EPB41: variants seen among roughly 807,000 people sequenced by gnomAD.
The protein encoded by EPB41 is protein 4.1.
EPB41 carries 65 observed loss-of-function variants against 108.0 expected under a neutral mutation model. The ratio of observed to expected loss-of-function variants is 0.60; its 90% CI spans 0.49 to 0.74. EPB41 has a LOEUF of 0.74. Among genes scored for constraint, EPB41 ranks in the 30% least tolerant of loss-of-function variants. The pLI is 0.00. For synonymous variants in EPB41, 336 were observed against 358.9 expected (o/e 0.94, Z 0.72); for missense variants, 875 against 1,037.0 (o/e 0.84, Z 2.15).
intron 1 of EPB41, among the ~76,000 whole-genome samples, chr1:28,921,974 T>G (rs1270008115): frequency 1.7e-4 from 10 of 60,202 alleles, no homozygotes; most frequent in South Asian, 2.4e-3. Flanking sequence ...ACTTTTTTTT[T>G]GTTTTTTTTT....
intron 1 of EPB41, among the ~76,000 whole-genome samples, chr1:28,924,358 G>A (rs1208960560): frequency 1.3e-5 from 2 of 152,304 alleles, no homozygotes; most frequent in East Asian, 1.9e-4. Context: ...GCGAAACCCC[G>A]TCTCTACTAA....
At chr1:29,058,522 A>C in intron 12 of EPB41, 67 bp from the exon 13 acceptor site, 1 of 1,405,602 alleles carries the variant, frequency 7.1e-7, no homozygotes, top group Non-Finnish European at 1.0e-6. Flanking sequence ...GCTTATTTGG[A>C]AACAACACTA....
chr1:29,088,638 G>A (rs554645941), intron 16 of EPB41, among the ~76,000 whole-genome samples: 1 of 152,278 alleles, frequency 6.6e-6, no homozygotes, highest in South Asian at 2.1e-4. Flanking sequence ...GGTGTCTTGT[G>A]TCATGGAGAC....
At chr1:28,973,279 G>A (rs756883548) in intron 1 of EPB41, among the ~76,000 whole-genome samples, 4 of 152,160 alleles carry the variant, frequency 2.6e-5, no homozygotes, top group Non-Finnish European at 5.9e-5. Context: ...GGTGACTCTT[G>A]AGTTTATAAT....
intron 20 of EPB41, among the ~76,000 whole-genome samples, chr1:29,116,281 TG>T (rs1408511160): frequency 1.3e-5 from 2 of 150,418 alleles, no homozygotes; most frequent in Admixed American, 1.3e-4. Context: ...CCCAAGAAGG[TG>T]GGACTACAGG....
At chr1:28,987,322 T>C in intron 1 of EPB41, 109 bp from the exon 2 acceptor site, 1 of 887,526 alleles carries the variant, frequency 1.1e-6, no homozygotes, top group Non-Finnish European at 1.8e-6. Flanking sequence ...GAATTCTGTT[T>C]GTTGGCAATT....
rs1226561663 is a variant in EPB41 at position 28,930,324 on chromosome 1, TA to T, written c.-8+15569del. Among the ~76,000 whole-genome samples, 616 of 145,080 alleles carry T rather than the reference TA, an allele frequency of 4.2e-3. 3 individuals carry two copies. Among genetic ancestry groups the T allele is most frequent in the African/African-American group, 0.011 (446 of 39,676 alleles). On this transcript the variant is annotated intron_variant, in intron 1 of 20. Transcript: ENST00000343067. ...GACACACACCACCACACCAGCTAAT[TA>T]AAAAAAAAAAAATTTTTTTTTTTAT...
At chr1:29,060,363 G>A (rs142735199) in intron 14 of EPB41, 59 bp from the exon 15 acceptor site, 59 of 1,559,228 alleles carry the variant, frequency 3.8e-5, no homozygotes, top group African/African-American at 1.6e-4. Context: ...GTTTTTTCCC[G>A]CAAGAACAAC....
At chr1:28,932,510 A>G in intron 1 of EPB41, among the ~76,000 whole-genome samples, 1 of 151,668 alleles carries the variant, frequency 6.6e-6, no homozygotes. Context: ...TCCTTTAAAA[A>G]AAAAAAGCAG....
intron 11 of EPB41, chr1:29,041,493 G>A (rs1016423217): frequency 4.0e-5 from 6 of 151,896 alleles, no homozygotes; most frequent in Non-Finnish European, 5.9e-5. Context: ...ATAAAATAAA[G>A]TAAAAGATAT....
At chr1:28,968,750 C>T (rs1193750423) in intron 1 of EPB41, among the ~76,000 whole-genome samples, 7 of 151,900 alleles carry the variant, frequency 4.6e-5, no homozygotes, top group South Asian at 2.1e-4. Context: ...GATCACCTGA[C>T]GCCAGAAGTT....
At chr1:28,997,386 A>G in intron 4 of EPB41, 67 bp downstream of exon 4, 1 of 945,990 alleles carries the variant, frequency 1.1e-6, no homozygotes, top group Non-Finnish European at 1.7e-6. Flanking sequence ...GTTGTTAAGA[A>G]TGTATCTATA....
intron 1 of EPB41, among the ~76,000 whole-genome samples, chr1:28,984,445 C>T (rs2095827907): frequency 6.6e-6 from 1 of 152,116 alleles, no homozygotes; most frequent in African/African-American, 2.4e-5. Flanking sequence ...ATGTAAACTC[C>T]ATGATGACAT....
chr1:29,072,730 A>C (rs1284548750), intron 16 of EPB41: 1 of 152,202 alleles, frequency 6.6e-6, no homozygotes, highest in African/African-American at 2.4e-5. Flanking sequence ...GCAGACTCAA[A>C]AGATACCATC....
chr1:28,982,755 C>G lies in EPB41; in HGVS notation c.-7-4676C>G, dbSNP rs917444945. ...ATGAATACACCTTGTCTGCTCATAA[C>G]TTATACCTGTATGACTGTCATTAGT... On this transcript the variant is annotated intron_variant, in intron 1 of 20. Transcript: ENST00000343067. 14 of 480,814 alleles carry G rather than the reference C, an allele frequency of 2.9e-5. No homozygotes were observed. The Admixed American group carries it at 4.7e-4, about 16-fold the overall frequency. The allele number at this position is 480,814 out of a possible 1,614,324, so 29.8% of individuals were successfully genotyped here. A position where few individuals can be genotyped will look rare whatever the true frequency, so the allele number is the denominator to read the frequency against.
At chr1:28,997,706 ACATAT>A (rs928639309) in intron 4 of EPB41, among the ~76,000 whole-genome samples, 1 of 151,850 alleles carries the variant, frequency 6.6e-6, no homozygotes, top group Non-Finnish European at 1.5e-5. Context: ...TATTATAATG[ACATAT>A]CATAATTAAA....
intron 1 of EPB41, among the ~76,000 whole-genome samples, chr1:28,920,787 C>T (rs1318620427): frequency 6.6e-6 from 1 of 152,026 alleles, no homozygotes; most frequent in East Asian, 1.9e-4. Flanking sequence ...CTACAGGCTC[C>T]ACACCTGGCT....
chr1:29,093,454 T>C (rs1351927908), intron 16 of EPB41, among the ~76,000 whole-genome samples: 3 of 152,258 alleles, frequency 2.0e-5, no homozygotes, highest in Non-Finnish European at 4.4e-5. Context: ...TAGACCTTTG[T>C]CAGATGCATA....
chr1:28,943,974 A>G (rs2094400063), intron 1 of EPB41, among the ~76,000 whole-genome samples: 1 of 152,238 alleles, frequency 6.6e-6, no homozygotes, highest in African/African-American at 2.4e-5. Context: ...GTGTCCATCA[A>G]CAGATAAATG....
Sources: gnomAD v4.1 joint callset for allele counts (sites outside exome capture counted in the v4.1 genomes callset) on GRCh38, gnomAD v4.1.1 for gene constraint, MANE v1.5 for transcripts, NCBI Gene and HGNC (gene_info 2026-07-23, HGNC 2026-07-21) for gene names.